The following CTNND2 variants were observed in gnomAD, a reference collection of about 807,000 sequenced individuals.
CTNND2 encodes the protein catenin delta-2.
Under a neutral mutation model 144.4 loss-of-function variants are expected in CTNND2, and 22 were observed. The observed-to-expected ratio is 0.15, with a 90% CI of 0.11 to 0.22. The LOEUF (loss-of-function observed/expected upper bound fraction) is 0.22, where lower values mean the gene tolerates loss of function less well. CTNND2 is among the 10% of genes least tolerant of loss of function. The pLI is 1.00. For missense variants in CTNND2, 1,353 were observed against 1,618.8 expected (o/e 0.84, Z 2.82); for synonymous variants, 751 against 695.6 (o/e 1.08, Z -1.25).
intron 1 of CTNND2, among the ~76,000 whole-genome samples, chr5:11,896,429 C>T (rs973127691): frequency 6.6e-6 from 1 of 152,082 alleles, no homozygotes; most frequent in African/African-American, 2.4e-5. Flanking sequence ...TGAGCATGCA[C>T]TACTTTTGAA....
At chr5:11,879,620 T>C (rs1309276328) in intron 1 of CTNND2, among the ~76,000 whole-genome samples, 1 of 152,002 alleles carries the variant, frequency 6.6e-6, no homozygotes. Context: ...TTGACATTCT[T>C]TTTCTCTTAT....
At chr5:11,162,032 C>G (rs911607313) in intron 11 of CTNND2, among the ~76,000 whole-genome samples, 8 of 151,842 alleles carry the variant, frequency 5.3e-5, no homozygotes, top group Admixed American at 4.6e-4. Flanking sequence ...TGCTTATAAT[C>G]CCAGCTACTT....
chr5:11,850,123 C>G (rs1017351635), intron 1 of CTNND2, among the ~76,000 whole-genome samples: 1 of 151,886 alleles, frequency 6.6e-6, no homozygotes, highest in Non-Finnish European at 1.5e-5. Flanking sequence ...AAAAAGTACA[C>G]CCAGAGGCTG....
intron 18 of CTNND2, among the ~76,000 whole-genome samples, chr5:10,998,573 C>T (rs1350937483): frequency 6.6e-6 from 1 of 152,196 alleles, no homozygotes; most frequent in Admixed American, 6.5e-5. Flanking sequence ...AACTTCAACA[C>T]TGCTATGCTC....
At chr5:11,107,972 G>A (rs1414709400) in intron 14 of CTNND2, among the ~76,000 whole-genome samples, 3 of 152,176 alleles carry the variant, frequency 2.0e-5, no homozygotes, top group African/African-American at 7.2e-5. Context: ...GTCACAGACC[G>A]AAATAAGACC....
At chr5:11,416,395 C>T (rs1458266227) in intron 3 of CTNND2, among the ~76,000 whole-genome samples, 1 of 152,146 alleles carries the variant, frequency 6.6e-6, no homozygotes, top group Non-Finnish European at 1.5e-5. Flanking sequence ...CTAATCACTT[C>T]AATGGTTTCC....
chr5:11,321,186 A>T (rs1166384463), intron 9 of CTNND2, among the ~76,000 whole-genome samples: 2 of 152,242 alleles, frequency 1.3e-5, no homozygotes, highest in East Asian at 3.9e-4. Flanking sequence ...GGGAAAATTG[A>T]CATAAAAATG....
chr5:11,218,108 T>TC (rs1297987096), intron 10 of CTNND2, among the ~76,000 whole-genome samples: 2 of 148,914 alleles, frequency 1.3e-5, no homozygotes, highest in African/African-American at 5.2e-5. Flanking sequence ...TTCTTTTTTC[T>TC]CTTTTTTTTC....
chr5:11,302,296 G>A (rs973466060), intron 9 of CTNND2, among the ~76,000 whole-genome samples: 4 of 152,088 alleles, frequency 2.6e-5, no homozygotes, highest in African/African-American at 9.7e-5. Context: ...CAGGAAGACC[G>A]CGGGGACAGG....
At chr5:11,531,108 G>T (rs924564415) in intron 3 of CTNND2, among the ~76,000 whole-genome samples, 3 of 152,202 alleles carry the variant, frequency 2.0e-5, no homozygotes, top group Admixed American at 1.3e-4. Flanking sequence ...TGTTAGAACT[G>T]ATCATTCTGA....
chr5:10,998,931 G>A (rs535580680), intron 18 of CTNND2, among the ~76,000 whole-genome samples: 17 of 152,264 alleles, frequency 1.1e-4, no homozygotes, highest in African/African-American at 4.1e-4. Context: ...GGGAAGTCCT[G>A]TAACCAATTT....
At chr5:11,446,726 A>G (rs1486735669) in intron 3 of CTNND2, among the ~76,000 whole-genome samples, 1 of 152,168 alleles carries the variant, frequency 6.6e-6, no homozygotes, top group Non-Finnish European at 1.5e-5. Flanking sequence ...AGAGTGATTC[A>G]GGGGTAAGAT....
At chr5:11,534,123 C>G (rs889657692) in intron 3 of CTNND2, among the ~76,000 whole-genome samples, 2 of 152,164 alleles carry the variant, frequency 1.3e-5, no homozygotes, top group Non-Finnish European at 2.9e-5. Flanking sequence ...GTGTTTAGAT[C>G]ATTTATATTT....
chr5:11,894,009 G>A (rs530833613), intron 1 of CTNND2, among the ~76,000 whole-genome samples: 13 of 152,070 alleles, frequency 8.5e-5, no homozygotes, highest in South Asian at 2.1e-4. Context: ...TTTGGGAATC[G>A]AGAATAAATT....
At position 11,346,502 on chromosome 5, in the gene CTNND2, C is replaced by T. The variant is rs773500605; in HGVS notation, c.1498G>A (p.Ala500Thr). 7 of 1,606,170 alleles carry T rather than the reference C, an allele frequency of 4.4e-6. No individual in the cohort carries two copies. The highest frequency in any genetic ancestry group is 2.2e-5 in the South Asian group (2 of 89,540). ...TACTGCAGCTGTCGGTAGGGGTCCG[C>T]GTAATTGGAGGCTGGGCCGGCGGCA... ...SYAAGPASNY[A>T]DPYRQLQYCP... The change falls in exon 9 of 22, where the codon GCG becomes ACG. Residue 500 changes from alanine to threonine, a missense_variant. Ala to Thr is a moderately conservative substitution (Grantham distance 58). This residue lies in a region of CTNND2 where 708 missense variants were observed against 706.4 expected (regional missense o/e 1.00). Coordinates refer to ENST00000304623, the MANE Select transcript of CTNND2 (RefSeq NM_001332.4).
intron 1 of CTNND2, among the ~76,000 whole-genome samples, chr5:11,757,477 T>C (rs1789016218): frequency 6.6e-6 from 1 of 151,936 alleles, no homozygotes; most frequent in African/African-American, 2.4e-5. Flanking sequence ...AATAAATTCC[T>C]AGAAATGAAT....
At chr5:11,368,222 G>T (rs576397546) in intron 7 of CTNND2, among the ~76,000 whole-genome samples, 3 of 152,288 alleles carry the variant, frequency 2.0e-5, no homozygotes, top group South Asian at 2.1e-4. Context: ...CCCCAAAACT[G>T]GGAAGGGCTT....
chr5:11,797,982 G>A (rs1011129768), intron 1 of CTNND2, among the ~76,000 whole-genome samples: 1 of 152,166 alleles, frequency 6.6e-6, no homozygotes, highest in Non-Finnish European at 1.5e-5. Flanking sequence ...TTTTGGCTGA[G>A]CTTGGTGGCT....
intron 15 of CTNND2, among the ~76,000 whole-genome samples, chr5:11,085,583 A>G (rs1253459889): frequency 6.6e-6 from 1 of 152,198 alleles, no homozygotes. Flanking sequence ...TCAGCATGGG[A>G]CAGAGAAGCA....
Sources: allele counts gnomAD v4.1 joint callset (sites outside exome capture counted in the v4.1 genomes callset), GRCh38; gene constraint gnomAD v4.1.1; regional missense constraint gnomAD v4.1.1; transcripts MANE v1.5; gene names NCBI Gene and HGNC (gene_info 2026-07-23, HGNC 2026-07-21).